Variants in TFCP2L1 observed in about 807,000 individuals in gnomAD.
TFCP2L1 encodes the protein transcription factor CP2 like 1.
Under a neutral mutation model 72.2 loss-of-function variants are expected in TFCP2L1, and 12 were observed. That is an observed-to-expected ratio of 0.17 (90% confidence interval 0.11 to 0.27). The LOEUF (loss-of-function observed/expected upper bound fraction) is 0.27. Among genes scored for constraint, TFCP2L1 ranks in the 10% least tolerant of loss-of-function variants. TFCP2L1 has a pLI of 1.00. For missense variants in TFCP2L1, 488 were observed against 624.6 expected (o/e 0.78, Z 2.33); for synonymous variants, 260 against 251.0 (o/e 1.04, Z -0.34).
intron 1 of TFCP2L1, among the ~76,000 whole-genome samples, chr2:121,284,717 G>A (rs776640882): frequency 3.9e-5 from 6 of 152,190 alleles, no homozygotes; most frequent in Non-Finnish European, 7.4e-5. Flanking sequence ...CGGGGGAGAG[G>A]AGGGCCGCAG....
chr2:121,248,113 C>T, intron 5 of TFCP2L1, 51 bp downstream of exon 5: 1 of 1,541,152 alleles, frequency 6.5e-7, no homozygotes, highest in African/African-American at 1.4e-5. Context: ...TGCACGCAGG[C>T]CACCCCAAAG....
chr2:121,277,289 C>T (rs1687167871), intron 2 of TFCP2L1, among the ~76,000 whole-genome samples: 1 of 152,174 alleles, frequency 6.6e-6, no homozygotes, highest in Non-Finnish European at 1.5e-5. Flanking sequence ...CACTTGAGCT[C>T]AGAAATTTGG....
intron 2 of TFCP2L1, among the ~76,000 whole-genome samples, chr2:121,258,530 C>T (rs1218618883): frequency 1.3e-5 from 2 of 152,254 alleles, no homozygotes; most frequent in African/African-American, 4.8e-5. Context: ...AGCATGTCCA[C>T]CTCCTGCGTG....
intron 2 of TFCP2L1, among the ~76,000 whole-genome samples, chr2:121,256,192 G>C (rs922556173): frequency 3.3e-5 from 5 of 152,148 alleles, no homozygotes; most frequent in African/African-American, 1.2e-4. Flanking sequence ...GTGTAACCAT[G>C]CCGTGGCATA....
At chr2:121,262,379 G>A (rs1466355770) in intron 2 of TFCP2L1, among the ~76,000 whole-genome samples, 1 of 152,036 alleles carries the variant, frequency 6.6e-6, no homozygotes, top group Non-Finnish European at 1.5e-5. Context: ...GCAGGAGAAT[G>A]GCTTGAACCC....
intron 13 of TFCP2L1, among the ~76,000 whole-genome samples, chr2:121,230,464 A>G (rs112026018): frequency 0.02 from 3,012 of 150,778 alleles, 119 homozygotes; most frequent in African/African-American, 0.068. Flanking sequence ...GAGCCACCGC[A>G]CCCAGCCACA....
intron 2 of TFCP2L1, among the ~76,000 whole-genome samples, chr2:121,267,860 T>C (rs1275465183): frequency 6.6e-6 from 1 of 152,208 alleles, no homozygotes; most frequent in Non-Finnish European, 1.5e-5. Flanking sequence ...CTCGTATTTA[T>C]TTCAATACAT....
At chr2:121,247,054 G>C (rs1004126989) in intron 5 of TFCP2L1, 84 bp from the exon 6 acceptor site, 26 of 1,533,704 alleles carry the variant, frequency 1.7e-5, no homozygotes, top group Non-Finnish European at 2.1e-5. Context: ...TCTATTGGAG[G>C]TGTCCTTCCC....
At chr2:121,225,211 T>G (rs1429018504) in intron 14 of TFCP2L1, among the ~76,000 whole-genome samples, 1 of 152,104 alleles carries the variant, frequency 6.6e-6, no homozygotes, top group East Asian at 1.9e-4. Flanking sequence ...AGGCACACTG[T>G]CAGGTGGGCC....
intron 2 of TFCP2L1, among the ~76,000 whole-genome samples, chr2:121,266,861 T>G (rs2104741312): frequency 7.5e-6 from 1 of 132,618 alleles, no homozygotes; most frequent in East Asian, 2.5e-4. Flanking sequence ...TACAGATGAT[T>G]TTAATATAAT....
chr2:121,236,295 T>C (rs1200166830), intron 10 of TFCP2L1, among the ~76,000 whole-genome samples: 1 of 152,116 alleles, frequency 6.6e-6, no homozygotes, highest in African/African-American at 2.4e-5. Context: ...ACAGGGTGTG[T>C]TTGGCTCTAG....
intron 12 of TFCP2L1, among the ~76,000 whole-genome samples, chr2:121,232,621 C>T (rs1226621518): frequency 6.6e-6 from 1 of 152,210 alleles, no homozygotes; most frequent in Non-Finnish European, 1.5e-5. Context: ...CCCTTTTCAG[C>T]TCTTTTTGCT....
In TFCP2L1 at chr2:121,219,195, T is replaced by C. The variant is rs1232036051; in HGVS notation, c.*5146A>G. ...CTAAGGCCACCAGCTTCATCCACTC[T>C]CCAGGAGGTCACACAAGATCAAAAG... On this transcript the variant is annotated 3_prime_UTR_variant, in exon 15 of 15. Transcript: ENST00000263707. 6.6e-6 allele frequency: 1 copy of C among 152,234 alleles called. No individual in the cohort carries two copies. Among genetic ancestry groups the C allele is most frequent in the East Asian group, 1.9e-4 (1 of 5,192 alleles). 9.4% of individuals were successfully genotyped at this position (152,234 alleles called of 1,614,324 possible). A position where few individuals can be genotyped will look rare whatever the true frequency, so the allele number is the denominator to read the frequency against.
At chr2:121,228,183 C>T (rs34773350) in intron 13 of TFCP2L1, among the ~76,000 whole-genome samples, 17,389 of 152,296 alleles carry the variant, frequency 0.11, 1,148 homozygotes, top group Middle Eastern at 0.15. Flanking sequence ...GGGTTCTGCT[C>T]TCTGCTTCAC....
chr2:121,230,750 A>T (rs973960717), intron 13 of TFCP2L1, among the ~76,000 whole-genome samples: 1 of 151,904 alleles, frequency 6.6e-6, no homozygotes, highest in Non-Finnish European at 1.5e-5. Flanking sequence ...GTGATAGAGC[A>T]AGATCTTGTC....
intron 8 of TFCP2L1, among the ~76,000 whole-genome samples, chr2:121,238,253 T>G (rs1485465381): frequency 6.6e-6 from 1 of 151,924 alleles, no homozygotes; most frequent in Non-Finnish European, 1.5e-5. Context: ...ACCACCAAAC[T>G]CAAGGGTCCT....
At chr2:121,225,730 C>T (rs1179242858) in intron 13 of TFCP2L1, 117 bp from the exon 14 acceptor site, 8 of 1,059,178 alleles carry the variant, frequency 7.6e-6, no homozygotes, top group East Asian at 4.9e-5. Context: ...GCCACTGCCA[C>T]GGTGCCCACA....
intron 4 of TFCP2L1, 58 bp from the exon 5 acceptor site, chr2:121,248,328 G>T: frequency 7.1e-7 from 1 of 1,405,572 alleles, no homozygotes; most frequent in South Asian, 1.3e-5. Context: ...CAAATATTTA[G>T]GGAAAGACCC....
Position 121,281,112 on chromosome 2 carries a change from G to T in TFCP2L1, c.214+8C>A. ...GTTCCGCCCTGGCCCGGGGCCTCTG[G>T]CCACTACCTTGGTTGAGGTAGGTCA... On this transcript the variant is annotated splice_region_variant and intron_variant, in intron 2 of 14. Coordinates refer to ENST00000263707, the MANE Select transcript of TFCP2L1 (RefSeq NM_014553.3). The T allele has an allele frequency of 6.2e-7, 1 of 1,613,918 alleles. No individual in the cohort carries two copies. The highest frequency in any genetic ancestry group is 8.5e-7 in the Non-Finnish European group (1 of 1,180,014).
Sources: allele counts gnomAD v4.1 joint callset (sites outside exome capture counted in the v4.1 genomes callset), GRCh38; gene constraint gnomAD v4.1.1; transcripts MANE v1.5; gene names NCBI Gene and HGNC (gene_info 2026-07-23, HGNC 2026-07-21).